Variants in ANO2 observed in about 807,000 individuals in gnomAD.
The protein encoded by ANO2 is anoctamin 2.
In ANO2, 101 loss-of-function variants were observed where a neutral mutation model predicts 124.2. The ratio of observed to expected loss-of-function variants is 0.81; its 90% confidence interval spans 0.69 to 0.96. ANO2 has a LOEUF of 0.96. Ranked by LOEUF, ANO2 falls within the 40% of genes least tolerant of loss-of-function variation. The pLI is 0.00. For synonymous variants in ANO2, 486 were observed against 482.5 expected (o/e 1.01, Z -0.09); for missense variants, 1,293 against 1,274.5 (o/e 1.01, Z -0.22).
At chr12:5,625,690 G>C (rs1422400693) in intron 16 of ANO2, among the ~76,000 whole-genome samples, 2 of 152,120 alleles carry the variant, frequency 1.3e-5, no homozygotes, top group African/African-American at 4.8e-5. Flanking sequence ...GAAGTAGCCA[G>C]CCAGCCTGGA....
chr12:5,640,197 A>G (rs10492181), intron 15 of ANO2, among the ~76,000 whole-genome samples: 19,219 of 152,210 alleles, frequency 0.13, 1,566 homozygotes, highest in South Asian at 0.2. Flanking sequence ...CTGACTCGGT[A>G]GATTGGCATG....
intron 2 of ANO2, among the ~76,000 whole-genome samples, chr12:5,921,627 C>T (rs937743594): frequency 6.6e-6 from 1 of 152,152 alleles, no homozygotes; most frequent in Admixed American, 6.5e-5. Flanking sequence ...CACACACACA[C>T]TCACACACAG....
chr12:5,927,906 T>G (rs1942158286), intron 1 of ANO2, among the ~76,000 whole-genome samples: 1 of 152,026 alleles, frequency 6.6e-6, no homozygotes, highest in Non-Finnish European at 1.5e-5. Context: ...AAGGCCCTTC[T>G]GAACAGGGGG....
intron 7 of ANO2, among the ~76,000 whole-genome samples, chr12:5,814,816 T>C (rs1953551458): frequency 6.6e-6 from 1 of 152,260 alleles, no homozygotes; most frequent in Non-Finnish European, 1.5e-5. Context: ...CATTTCCTAA[T>C]TAAATTAGTT....
chr12:5,574,122 AG>A, intron 23 of ANO2, among the ~76,000 whole-genome samples: 1 of 152,310 alleles, frequency 6.6e-6, no homozygotes, highest in Non-Finnish European at 1.5e-5. Context: ...ACCTTCTCTT[AG>A]GTTTTTGTTA....
In ANO2 at chr12:5,744,213, C is replaced by T; in HGVS notation, c.1295G>A (p.Ser432Asn). The T allele has an allele frequency of 6.2e-7, 1 of 1,612,966 alleles. No homozygotes were observed. The highest frequency in any genetic ancestry group is 8.5e-7 in the Non-Finnish European group (1 of 1,179,874). The change falls in exon 12 of 25, where the codon AGC (serine) becomes AAC (asparagine). Residue 432 changes from serine (S) to asparagine (N), a missense_variant. Coordinates refer to ENST00000682330, the MANE Select transcript of ANO2 (RefSeq NM_001364791.2). ...GGTGGCAGGGTTGTCAAACAGGTGG[C>T]TGGCCTGCGCGGTCCCACAGGCTGA... is the stretch of plus-strand genomic sequence containing the variant. ...LSSACGTAQA[S>N]HLFDNPATVF...
chr12:5,924,484 G>A (rs140072119), intron 1 of ANO2, among the ~76,000 whole-genome samples: 238 of 152,282 alleles, frequency 1.6e-3, no homozygotes, highest in Middle Eastern at 0.01. Context: ...CAGGAGGCAC[G>A]GGAGGCACTC....
rs760364398 is a variant in ANO2 at position 5,854,190 on chromosome 12, C to CT, written c.535-50dup. 7 of 1,532,394 alleles carry CT rather than the reference C, an allele frequency of 4.6e-6. No individual in the cohort carries two copies. In the Admixed American group the frequency reaches 5.1e-5, roughly 11 times the overall value. The allele number at this position is 1,532,394 out of a possible 1,614,324, so 94.9% of individuals were successfully genotyped here. A position where few individuals can be genotyped will look rare whatever the true frequency, so the allele number is the denominator to read the frequency against. On this transcript the variant is annotated intron_variant, in intron 3 of 24. Coordinates refer to ENST00000682330, the MANE Select transcript of ANO2 (RefSeq NM_001364791.2). ...AATGGAAACACTTGTAAGGACATAG[C>CT]TTAAACTCCTGGTTCTTCAACTGTT...
intron 20 of ANO2, among the ~76,000 whole-genome samples, chr12:5,583,101 A>G (rs1306624700): frequency 6.6e-6 from 1 of 152,208 alleles, no homozygotes; most frequent in African/African-American, 2.4e-5. Flanking sequence ...AGATGCTCAA[A>G]GATTATCTGT....
chr12:5,783,164 T>C (rs534698253), intron 10 of ANO2, among the ~76,000 whole-genome samples: 12 of 152,246 alleles, frequency 7.9e-5, no homozygotes, highest in Non-Finnish European at 1.6e-4. Context: ...CTCACACAAA[T>C]GCCTGCCAAA....
intron 14 of ANO2, among the ~76,000 whole-genome samples, chr12:5,675,042 C>A (rs948139398): frequency 6.6e-6 from 1 of 152,110 alleles, no homozygotes; most frequent in South Asian, 2.1e-4. Context: ...GGGGGGTTGC[C>A]TGTTGTGTTC....
intron 15 of ANO2, among the ~76,000 whole-genome samples, chr12:5,641,762 T>C (rs1222251478): frequency 6.6e-6 from 1 of 152,242 alleles, no homozygotes; most frequent in Non-Finnish European, 1.5e-5. Flanking sequence ...CTTGCATTTA[T>C]ATCAAGATTT....
chr12:5,575,836 G>A lies in ANO2; in HGVS notation c.2619C>T (p.Cys873=), dbSNP rs769521640. 1.4e-5 allele frequency: 22 copies of A among 1,613,360 alleles called. No individual in the cohort carries two copies. Among genetic ancestry groups the A allele is most frequent in the African/African-American group, 1.3e-5 (1 of 74,880 alleles). The change falls in exon 23 of 25, where the codon TGC becomes TGT. Residue 873 remains cysteine (C), a splice_region_variant and synonymous_variant. Coordinates refer to ENST00000682330, the MANE Select transcript of ANO2 (RefSeq NM_001364791.2). ...NSQFDQEVQF[C]RFKDYREPPW... is the part of the protein sequence containing the mutation. ...CCTTCTCCTGAAGATTACTTTACCT[G>A]CAGAACTGAACCTCCTGGTCAAACT...
chr12:5,845,124 G>T (rs1954642349), intron 4 of ANO2, among the ~76,000 whole-genome samples: 2 of 151,230 alleles, frequency 1.3e-5, no homozygotes, highest in Admixed American at 6.6e-5. Flanking sequence ...AATTAGCCAG[G>T]CATGGAGGTG....
intron 10 of ANO2, among the ~76,000 whole-genome samples, chr12:5,759,631 T>C (rs1951681902): frequency 6.7e-6 from 1 of 149,244 alleles, no homozygotes; most frequent in African/African-American, 2.5e-5. Context: ...ACACTTCTTA[T>C]GAGAATCTAA....
chr12:5,619,217 A>G (rs1373137697), intron 16 of ANO2, among the ~76,000 whole-genome samples: 3 of 152,212 alleles, frequency 2.0e-5, no homozygotes, highest in Non-Finnish European at 2.9e-5. Flanking sequence ...AGAAAACTCA[A>G]TGGGATTGAG....
intron 9 of ANO2, among the ~76,000 whole-genome samples, 153 bp from the exon 10 acceptor site, chr12:5,799,724 G>A (rs567455015): frequency 6.6e-6 from 1 of 152,300 alleles, no homozygotes; most frequent in South Asian, 2.1e-4. Context: ...GAATCGGGAG[G>A]CTATGGAAAC....
intron 20 of ANO2, among the ~76,000 whole-genome samples, chr12:5,598,930 A>G (rs1208971594): frequency 1.3e-5 from 2 of 151,280 alleles, no homozygotes; most frequent in Non-Finnish European, 2.9e-5. Context: ...CTCTGCAACT[A>G]GAAATACACC....
intron 14 of ANO2, among the ~76,000 whole-genome samples, chr12:5,691,327 C>CAAAAAAAAAAAAAAAAAAAA (rs60573302): frequency 2.3e-5 from 2 of 86,998 alleles, no homozygotes; most frequent in Non-Finnish European, 4.1e-5. Context: ...GACTCCATCT[C>CAAAAAAAAAAAAAAAAAAAA]AAAAAAAAAA....
Sources: gnomAD v4.1 joint callset for allele counts (sites outside exome capture counted in the v4.1 genomes callset) on GRCh38, gnomAD v4.1.1 for gene constraint, MANE v1.5 for transcripts, NCBI Gene and HGNC (gene_info 2026-07-23, HGNC 2026-07-21) for gene names.